STAT5B: variants seen among roughly 807,000 people sequenced by gnomAD.
STAT5B encodes the protein signal transducer and activator of transcription 5B.
Under a neutral mutation model 107.8 loss-of-function variants are expected in STAT5B, and 21 were observed. That is an observed-to-expected ratio of 0.19 (90% CI 0.14 to 0.28). The LOEUF is 0.28. Ranked by LOEUF, STAT5B falls within the 10% of genes least tolerant of loss-of-function variation. The probability of loss-of-function intolerance (pLI) is 1.00; values close to 1 mark genes in which losing one functional copy is unlikely to be tolerated. For missense variants in STAT5B, 565 were observed against 1,008.2 expected (o/e 0.56, Z 5.95); for synonymous variants, 325 against 401.7 (o/e 0.81, Z 2.28).
Position 42,232,024 on chromosome 17 carries a change from G to A in STAT5B, c.104C>T (p.Ser35Phe). ...HFPIEVRHYL[S>F]QWIESQAWDS... ...CCATGCTTGGCTTTCAATCCACTGG[G>A]ATAAATAATGCCGCACCTCAATGGG... The change falls in exon 2 of 19, where the codon TCC (serine) becomes TTC (phenylalanine). Residue 35 changes from serine (S) to phenylalanine (F), a missense_variant. Around this residue, in one of 11 missense-constraint regions of STAT5B, gnomAD observed 83 missense variants for 145.1 expected, o/e 0.57. Coordinates refer to ENST00000293328, the MANE Select transcript of STAT5B (RefSeq NM_012448.4). 2.5e-6 allele frequency: 4 copies of A among 1,613,786 alleles called. No homozygotes were observed. Among genetic ancestry groups the A allele is most frequent in the Non-Finnish European group, 3.4e-6 (4 of 1,179,892 alleles).
At chr17:42,255,535 A>G (rs543208101) in intron 1 of STAT5B, among the ~76,000 whole-genome samples, 1 of 152,340 alleles carries the variant, frequency 6.6e-6, no homozygotes, top group East Asian at 1.9e-4. Context: ...TTATGTTGCA[A>G]AAAAAGGAAT....
intron 1 of STAT5B, among the ~76,000 whole-genome samples, chr17:42,256,516 A>G (rs2080545958): frequency 6.6e-6 from 1 of 152,172 alleles, no homozygotes. Flanking sequence ...TTTGTTTTCT[A>G]TGGTTTCTGT....
At chr17:42,240,746 C>T (rs1026928463) in intron 1 of STAT5B, among the ~76,000 whole-genome samples, 3 of 152,224 alleles carry the variant, frequency 2.0e-5, no homozygotes, top group Non-Finnish European at 4.4e-5. Flanking sequence ...CACTTACTTG[C>T]ACCACTGCAC....
At chr17:42,268,969 T>C (rs979042272) in intron 1 of STAT5B, among the ~76,000 whole-genome samples, 2 of 152,230 alleles carry the variant, frequency 1.3e-5, no homozygotes, top group African/African-American at 4.8e-5. Flanking sequence ...TAGGCTACAA[T>C]GACATGTATG....
At chr17:42,209,467 C>G (rs1017955610) in intron 15 of STAT5B, among the ~76,000 whole-genome samples, 5 of 152,176 alleles carry the variant, frequency 3.3e-5, no homozygotes, top group Admixed American at 3.3e-4. Context: ...GGCTCAAGCC[C>G]GTAATCCCAA....
At chr17:42,211,437 C>A (rs1021970695) in intron 13 of STAT5B, among the ~76,000 whole-genome samples, 1 of 151,804 alleles carries the variant, frequency 6.6e-6, no homozygotes, top group Admixed American at 6.6e-5. Context: ...AACCAGGAGG[C>A]GGCGGTTGCG....
intron 1 of STAT5B, among the ~76,000 whole-genome samples, chr17:42,247,672 G>A (rs1359259367): frequency 1.3e-5 from 2 of 152,186 alleles, no homozygotes; most frequent in Non-Finnish European, 2.9e-5. Context: ...TCTTGGCCAG[G>A]TGTAGTGGCT....
intron 3 of STAT5B, among the ~76,000 whole-genome samples, chr17:42,225,267 CTG>C (rs995423328): frequency 8.5e-5 from 13 of 152,224 alleles, no homozygotes; most frequent in Admixed American, 8.5e-4. Context: ...GTTGGCCAGG[CTG>C]GTCTCGAACT....
At chr17:42,283,320 G>A in the STAT5B span, among the ~76,000 whole-genome samples, 174 of 152,334 alleles carry the variant, frequency 1.1e-3, no homozygotes, top group African/African-American at 4.1e-3. Flanking sequence ...CTCTCTCCAG[G>A]CTCCTGGGCC....
rs558987924 is a variant in STAT5B at position 42,264,661 on chromosome 17, T to G, written c.-11+11587A>C. ...TTTGCTATTGTGAATACTGCCGCAA[T>G]AAACATACGTGTGCATGTGTCTTTA... On this transcript the variant is annotated intron_variant, in intron 1 of 18. Coordinates refer to ENST00000293328, the MANE Select transcript of STAT5B (RefSeq NM_012448.4). Among the ~76,000 whole-genome samples the G allele has an allele frequency of 9.7e-3, 1,473 of 151,858 alleles. 17 individuals are homozygous for G. Among genetic ancestry groups the G allele is most frequent in the African/African-American group, 0.034 (1,407 of 41,350 alleles).
the STAT5B span, among the ~76,000 whole-genome samples, chr17:42,283,692 C>T: frequency 6.6e-6 from 1 of 152,266 alleles, no homozygotes; most frequent in African/African-American, 2.4e-5. Context: ...CAAGCTCCGG[C>T]AGCTCCTTCC....
intron 1 of STAT5B, among the ~76,000 whole-genome samples, chr17:42,261,918 TCGAACTCC>T (rs1272200251): frequency 6.6e-6 from 1 of 152,118 alleles, no homozygotes; most frequent in Non-Finnish European, 1.5e-5. Flanking sequence ...CAGGCTAGTC[TCGAACTCC>T]CGGCCTCAAG....
chr17:42,268,231 T>C (rs569579438), intron 1 of STAT5B, among the ~76,000 whole-genome samples: 7 of 152,294 alleles, frequency 4.6e-5, no homozygotes, highest in African/African-American at 1.7e-4. Flanking sequence ...CTTTATGCCA[T>C]GTTTTTACTG....
chr17:42,222,077 G>A (rs964128625), intron 5 of STAT5B, among the ~76,000 whole-genome samples: 3 of 146,118 alleles, frequency 2.1e-5, no homozygotes, highest in Admixed American at 6.9e-5. Flanking sequence ...TGTGTGTGGT[G>A]TGTGTGTGCT....
upstream of STAT5B, among the ~76,000 whole-genome samples, chr17:42,281,238 T>C (rs752446367): frequency 1.3e-5 from 2 of 151,974 alleles, no homozygotes; most frequent in East Asian, 1.9e-4. Flanking sequence ...GTGTAAATCA[T>C]AGTTAGGGGG....
chr17:42,240,617 G>A (rs1004144814), intron 1 of STAT5B, among the ~76,000 whole-genome samples: 3 of 152,146 alleles, frequency 2.0e-5, no homozygotes, highest in Non-Finnish European at 4.4e-5. Flanking sequence ...GAATTTTATA[G>A]TGCGTGATTA....
chr17:42,236,022 TTTTCATCAAA>T (rs2080354261), intron 1 of STAT5B, among the ~76,000 whole-genome samples: 1 of 152,212 alleles, frequency 6.6e-6, no homozygotes, highest in Admixed American at 6.5e-5. Flanking sequence ...TATTTCTTAG[TTTTCATCAAA>T]GAGTAGAATG....
At chr17:42,221,186 G>C (rs1369125487) in intron 5 of STAT5B, among the ~76,000 whole-genome samples, 1 of 152,164 alleles carries the variant, frequency 6.6e-6, no homozygotes, top group Non-Finnish European at 1.5e-5. Context: ...TCTCACTGCA[G>C]GTATCGAGCA....
chr17:42,284,201 G>C, the STAT5B span, among the ~76,000 whole-genome samples: 2 of 152,028 alleles, frequency 1.3e-5, no homozygotes, highest in South Asian at 4.2e-4. Flanking sequence ...TAGGGGCATG[G>C]GCAGACCTGA....
Sources: allele counts gnomAD v4.1 joint callset (sites outside exome capture counted in the v4.1 genomes callset), GRCh38; gene constraint gnomAD v4.1.1; regional missense constraint gnomAD v4.1.1; transcripts MANE v1.5; gene names NCBI Gene and HGNC (gene_info 2026-07-23, HGNC 2026-07-21).